Variants in ZC3H12B observed in about 807,000 individuals in gnomAD.
The protein encoded by ZC3H12B is zinc finger CCCH-type containing 12B.
A neutral mutation model predicts 43.9 loss-of-function variants in ZC3H12B; 7 were observed. That is an observed-to-expected ratio of 0.16 (90% CI 0.09 to 0.30). The LOEUF is 0.30. Ranked by LOEUF, ZC3H12B falls within the 10% of genes least tolerant of loss-of-function variation. The probability of loss-of-function intolerance (pLI) is 1.00; values close to 1 mark genes in which losing one functional copy is unlikely to be tolerated. For synonymous variants in ZC3H12B, 222 were observed against 241.7 expected, an observed-to-expected ratio of 0.92 and a Z score of 0.76; for missense variants, 475 against 670.2, an observed-to-expected ratio of 0.71 and a Z score of 3.22.
chrX:65,132,193 G>A, the ZC3H12B span, among the ~76,000 whole-genome samples: 1 of 111,647 alleles, frequency 9.0e-6, no homozygotes, highest in Non-Finnish European at 1.9e-5. Flanking sequence ...AGAGTGTACG[G>A]GTTGGGCAAC....
intron 2 of ZC3H12B, among the ~76,000 whole-genome samples, chrX:65,371,658 T>G (rs2066246625): frequency 8.9e-6 from 1 of 112,192 alleles, no homozygotes; most frequent in African/African-American, 3.2e-5. Flanking sequence ...AATGTACAAA[T>G]AAAATATTAA....
chrX:65,410,970 G>T (rs2066897186), intron 3 of ZC3H12B, among the ~76,000 whole-genome samples: 1 of 112,236 alleles, frequency 8.9e-6, no homozygotes, highest in African/African-American at 3.2e-5. Context: ...GTAACTAAAA[G>T]AAAGGAAATC....
chrX:65,125,433 T>A, the ZC3H12B span, among the ~76,000 whole-genome samples: 1 of 111,636 alleles, frequency 9.0e-6, no homozygotes, highest in East Asian at 2.8e-4. Context: ...GAATGTTCCA[T>A]GTGCTGATGA....
the ZC3H12B span, among the ~76,000 whole-genome samples, chrX:65,252,516 A>T: frequency 1.8e-5 from 2 of 111,890 alleles, no homozygotes; most frequent in Admixed American, 9.5e-5. Flanking sequence ...CTTTTTACAG[A>T]TGAGGAAACC....
At chrX:65,162,870 G>A in the ZC3H12B span, among the ~76,000 whole-genome samples, 1 of 111,940 alleles carries the variant, frequency 8.9e-6, no homozygotes, top group Non-Finnish European at 1.9e-5. Flanking sequence ...CAGTTTTTCT[G>A]CTCTGTTTTT....
chrX:65,279,712 T>C, the ZC3H12B span, among the ~76,000 whole-genome samples: 1 of 111,826 alleles, frequency 8.9e-6, no homozygotes, highest in Non-Finnish European at 1.9e-5. Flanking sequence ...AAAGCAAAAA[T>C]AGACATGTGG....
the ZC3H12B span, among the ~76,000 whole-genome samples, chrX:65,130,255 G>T: frequency 9.0e-6 from 1 of 111,253 alleles, no homozygotes; most frequent in Non-Finnish European, 1.9e-5. Context: ...CCAAGAGCCT[G>T]AGAAACTGCT....
chrX:65,377,537 T>A (rs1312565003), intron 2 of ZC3H12B, among the ~76,000 whole-genome samples: 1 of 109,908 alleles, frequency 9.1e-6, no homozygotes, highest in Admixed American at 9.8e-5. Flanking sequence ...AAGAAACAAA[T>A]AATATACAGT....
At chrX:65,167,917 A>T in the ZC3H12B span, among the ~76,000 whole-genome samples, 56 of 112,274 alleles carry the variant, frequency 5.0e-4, no homozygotes, top group African/African-American at 1.6e-3. Context: ...GTTGCTTATC[A>T]GCTTAAGGAG....
At chrX:65,142,909 G>C in the ZC3H12B span, among the ~76,000 whole-genome samples, 47 of 112,197 alleles carry the variant, frequency 4.2e-4, no homozygotes, top group South Asian at 1.5e-3. Flanking sequence ...TGGCCATATA[G>C]TATAGTTTGA....
chrX:65,282,422 G>A, the ZC3H12B span, among the ~76,000 whole-genome samples: 1 of 112,025 alleles, frequency 8.9e-6, no homozygotes, highest in African/African-American at 3.2e-5. Flanking sequence ...GGAAGTCCTA[G>A]CCAGAGCAAT....
In ZC3H12B at chrX:65,464,975, A is replaced by G. The variant is rs759235770; in HGVS notation, n.408-23671A>G. 1.7e-4 allele frequency among the ~76,000 whole-genome samples: 19 copies of G among 111,069 alleles called. No individual in the cohort carries two copies. The East Asian group carries it at 4.2e-3, about 24-fold the overall frequency. Reference sequence around the variant, plus strand: ...AATTTTATATTTAATTTCATTTTAGAGAGAACATAATTTATATTATTTCAA... The same window carrying G: ...AATTTTATATTTAATTTCATTTTAGGGAGAACATAATTTATATTATTTCAA... On this transcript the variant is annotated intron_variant and non_coding_transcript_variant, in intron 3 of 5. Coordinates refer to the ZC3H12B transcript ENST00000617377.
the ZC3H12B span, among the ~76,000 whole-genome samples, chrX:65,212,685 C>CTT: frequency 1.2e-5 from 1 of 83,739 alleles, no homozygotes; most frequent in Non-Finnish European, 2.2e-5. Context: ...ATTTATATAT[C>CTT]ATATATAAAT....
the ZC3H12B span, among the ~76,000 whole-genome samples, chrX:65,154,589 C>T: frequency 4.5e-5 from 5 of 112,244 alleles, no homozygotes; most frequent in Non-Finnish European, 9.4e-5. Flanking sequence ...TCACCATTGG[C>T]CGTGTGGCGG....
chrX:65,094,012 G>A, the ZC3H12B span, among the ~76,000 whole-genome samples: 3 of 110,834 alleles, frequency 2.7e-5, no homozygotes, highest in Non-Finnish European at 5.7e-5. Context: ...TGGATCATGG[G>A]AGTGGATTGT....
chrX:65,076,940 A>G, the ZC3H12B span, among the ~76,000 whole-genome samples: 1 of 111,268 alleles, frequency 9.0e-6, no homozygotes, highest in East Asian at 2.8e-4. Flanking sequence ...ATCTTTTCTC[A>G]GTCAAATTGT....
chrX:65,488,777 G>T lies in ZC3H12B; in HGVS notation c.-25G>T. On this transcript the variant is annotated 5_prime_UTR_variant, in exon 1 of 5. The change abolishes the stop of an existing upstream ORF in the 5' untranslated region. Coordinates refer to ENST00000338957, the Ensembl canonical transcript of ZC3H12B. ...GGCTAAAAAGAAAAAGAACTGATTA[G>T]ACCTCAGACGACCCACTAAACGGGA... The T allele has an allele frequency of 2.6e-6, 3 of 1,139,646 alleles. No homozygotes were observed. The highest frequency in any genetic ancestry group is 4.3e-5 in the South Asian group (2 of 46,947). 93.9% of individuals were successfully genotyped at this position (1,139,646 alleles called of 1,213,427 possible).
the ZC3H12B span, among the ~76,000 whole-genome samples, chrX:65,290,216 C>G: frequency 2.7e-5 from 3 of 110,350 alleles, no homozygotes; most frequent in African/African-American, 9.9e-5. Context: ...AAATGGTTAA[C>G]AGATATATGA....
At chrX:65,275,811 G>A in the ZC3H12B span, among the ~76,000 whole-genome samples, 1 of 111,956 alleles carries the variant, frequency 8.9e-6, no homozygotes, top group African/African-American at 3.3e-5. Flanking sequence ...AATATGAAAC[G>A]TCCAAAGGAA....
Sources: gnomAD v4.1 joint callset for allele counts (sites outside exome capture counted in the v4.1 genomes callset) on GRCh38, gnomAD v4.1.1 for gene constraint, MANE v1.5 for transcripts, NCBI Gene and HGNC (gene_info 2026-07-23, HGNC 2026-07-21) for gene names.